Variants in MRTFB observed in about 807,000 individuals in gnomAD.
MRTFB encodes the protein myocardin-related transcription factor B.
A neutral mutation model predicts 104.2 loss-of-function variants in MRTFB; 29 were observed. The ratio of observed to expected loss-of-function variants is 0.28; its 90% CI spans 0.21 to 0.38. The LOEUF (loss-of-function observed/expected upper bound fraction) is 0.38, where lower values mean the gene tolerates loss of function less well. MRTFB is among the 10% of genes least tolerant of loss of function. The probability of loss-of-function intolerance (pLI) is 1.00; values close to 1 mark genes in which losing one functional copy is unlikely to be tolerated. For synonymous variants in MRTFB, 535 were observed against 519.5 expected (o/e 1.03, Z -0.41); for missense variants, 1,270 against 1,341.6 (o/e 0.95, Z 0.83).
Position 14,246,743 on chromosome 16 carries a change from C to T in MRTFB, c.1483C>T (p.Arg495Cys), listed in dbSNP as rs760032035. 2.9e-5 allele frequency: 47 copies of T among 1,614,202 alleles called. No homozygotes were observed. The Middle Eastern group carries it at 9.9e-4, about 34-fold the overall frequency. The change falls in exon 12 of 17, where the codon CGT becomes TGT. Residue 495 changes from arginine (R) to cysteine (C), a missense_variant. Arg to Cys is a radical substitution (Grantham distance 180). This residue lies in a region of MRTFB where 1,144 missense variants were observed against 1,131.5 expected (regional missense o/e 1.01). Transcript: ENST00000571589. ...ACCTACAGGAACCAGCAACGCAACC[C>T]GTGTGGAAAATGTTCATTCCCCTCT... ...LPPTGTSNAT[R>C]VENVHSPLPI...
intron 2 of MRTFB, among the ~76,000 whole-genome samples, chr16:14,084,422 C>T (rs2034584089): frequency 6.6e-6 from 1 of 152,070 alleles, no homozygotes; most frequent in African/African-American, 2.4e-5. Context: ...CACCTGTAGT[C>T]CCAGGTGTTC....
At chr16:14,179,536 G>A (rs891544564) in intron 3 of MRTFB, among the ~76,000 whole-genome samples, 8 of 152,118 alleles carry the variant, frequency 5.3e-5, no homozygotes, top group Non-Finnish European at 1.2e-4. Context: ...CTTCGGACTC[G>A]GGAAATTTAT....
chr16:14,155,201 T>C (rs1357598035), intron 3 of MRTFB, among the ~76,000 whole-genome samples: 2 of 152,046 alleles, frequency 1.3e-5, no homozygotes, highest in African/African-American at 4.8e-5. Context: ...TTATTAGATA[T>C]ACCTCTTTTT....
the MRTFB span, among the ~76,000 whole-genome samples, chr16:14,046,554 T>C: frequency 1.3e-5 from 2 of 152,196 alleles, no homozygotes; most frequent in African/African-American, 4.8e-5. Context: ...TTTCTTGGCC[T>C]GCCCTTTGGA....
chr16:14,260,841 G>C, intron 16 of MRTFB, 68 bp from the exon 17 acceptor site: 1 of 1,324,696 alleles, frequency 7.5e-7, no homozygotes, highest in Non-Finnish European at 1.0e-6. Flanking sequence ...AACTGTCCTA[G>C]TAATTAATAA....
At chr16:14,173,910 T>G (rs1015526658) in intron 3 of MRTFB, among the ~76,000 whole-genome samples, 4 of 152,176 alleles carry the variant, frequency 2.6e-5, no homozygotes, top group Non-Finnish European at 5.9e-5. Flanking sequence ...TTTTAGAAAT[T>G]TTTCTATTTT....
At chr16:14,196,964 CTTT>C (rs35259229) in intron 3 of MRTFB, among the ~76,000 whole-genome samples, 2 of 103,180 alleles carry the variant, frequency 1.9e-5, no homozygotes. Context: ...TCTCTTTTTT[CTTT>C]TTTTTTTTTT....
At position 14,258,167 on chromosome 16, in the gene MRTFB, T is replaced by G; in HGVS notation, c.2764+6T>G. On this transcript the variant is annotated splice_donor_region_variant and intron_variant, in intron 16 of 16. Coordinates refer to ENST00000571589, the MANE Select transcript of MRTFB (RefSeq NM_001308142.2). ...TATCCTCATTAAGAGTGGAGGTAAG[T>G]CAAAAGTCACATCAGATCCTCCCAG... 2 of 1,613,032 alleles carry G rather than the reference T, an allele frequency of 1.2e-6. No homozygotes were observed. Among genetic ancestry groups the G allele is most frequent in the Non-Finnish European group, 1.7e-6 (2 of 1,179,152 alleles).
intron 3 of MRTFB, among the ~76,000 whole-genome samples, chr16:14,166,666 C>T (rs1025547154): frequency 1.3e-5 from 2 of 151,408 alleles, no homozygotes; most frequent in African/African-American, 2.4e-5. Flanking sequence ...GCCCACCGCA[C>T]CCACCCCCGA....
intron 2 of MRTFB, among the ~76,000 whole-genome samples, chr16:14,102,253 C>T (rs1344802376): frequency 1.3e-5 from 2 of 151,982 alleles, no homozygotes; most frequent in Non-Finnish European, 2.9e-5. Context: ...GAGAAAACAG[C>T]AAGTGGGCTA....
chr16:14,129,810 A>C (rs1172403303), intron 2 of MRTFB, among the ~76,000 whole-genome samples: 1 of 151,976 alleles, frequency 6.6e-6, no homozygotes, highest in Non-Finnish European at 1.5e-5. Context: ...AGTCATGCAT[A>C]TGTCTTCTTT....
intron 3 of MRTFB, among the ~76,000 whole-genome samples, chr16:14,187,219 T>G (rs1453488837): frequency 6.6e-6 from 1 of 152,188 alleles, no homozygotes; most frequent in African/African-American, 2.4e-5. Context: ...AAAGATTCAT[T>G]AGCTGATGGA....
chr16:14,085,582 G>C (rs932060252), intron 2 of MRTFB, among the ~76,000 whole-genome samples: 4 of 150,890 alleles, frequency 2.7e-5, no homozygotes, highest in African/African-American at 9.8e-5. Context: ...ATACCACCAA[G>C]ACCAGGGACC....
At chr16:14,234,113 C>A (rs2042391135) in intron 8 of MRTFB, 33 bp from the exon 9 acceptor site, 1 of 1,597,030 alleles carries the variant, frequency 6.3e-7, no homozygotes, top group Non-Finnish European at 8.6e-7. Flanking sequence ...TCATTAATTT[C>A]ACAGACTTGT....
intron 2 of MRTFB, among the ~76,000 whole-genome samples, chr16:14,110,599 C>T (rs1280070515): frequency 4.6e-5 from 7 of 152,096 alleles, no homozygotes; most frequent in African/African-American, 1.4e-4. Flanking sequence ...AGTGCCATGC[C>T]TTCCATTTTG....
chr16:14,247,177 A>G lies in MRTFB; in HGVS notation c.1917A>G (p.Lys639=). The G allele has an allele frequency of 6.2e-7, 1 of 1,614,140 alleles. No homozygotes were observed. Among genetic ancestry groups the G allele is most frequent in the Non-Finnish European group, 8.5e-7 (1 of 1,180,022 alleles). ...ACGGCAGCCTTGGCTCCTCCATCAA[A>G]GATGAGGCCTCACTCCCTGACTGCT... ...QKHGSLGSSI[K]DEASLPDCSS... is the part of the protein sequence containing the mutation. The change falls in exon 12 of 17, where the codon AAA becomes AAG. Residue 639 remains lysine (K), a synonymous_variant. Transcript: ENST00000571589.
At chr16:14,090,948 A>T (rs1467976502) in intron 2 of MRTFB, among the ~76,000 whole-genome samples, 2 of 150,926 alleles carry the variant, frequency 1.3e-5, no homozygotes, top group Non-Finnish European at 2.9e-5. Flanking sequence ...AGCATAAAAT[A>T]GGAGGCAAGG....
intron 3 of MRTFB, chr16:14,200,159 G>GTAT: frequency 1.3e-6 from 1 of 762,890 alleles, no homozygotes; most frequent in Non-Finnish European, 2.1e-6. Context: ...ATCATCAAAG[G>GTAT]ATGCCCCCAA....
In MRTFB at chr16:14,217,354, TA is replaced by T. The variant is rs1389161688; in HGVS notation, c.514+68del. 4 of 1,417,168 alleles carry T rather than the reference TA, an allele frequency of 2.8e-6. No homozygotes were observed. The Admixed American group carries it at 8.6e-5, about 30-fold the overall frequency. 87.8% of individuals were successfully genotyped at this position (1,417,168 alleles called of 1,614,324 possible). On this transcript the variant is annotated intron_variant, in intron 7 of 16. Transcript: ENST00000571589. ...ACTTGGAAATTTTAGATAAAACAAA[TA>T]TAATTTAAAGGCTAGCACCGATCGT...
Sources: allele counts gnomAD v4.1 joint callset (sites outside exome capture counted in the v4.1 genomes callset), GRCh38; gene constraint gnomAD v4.1.1; regional missense constraint gnomAD v4.1.1; transcripts MANE v1.5; gene names NCBI Gene and HGNC (gene_info 2026-07-23, HGNC 2026-07-21).